Variants in RANBP9 observed in about 807,000 individuals in gnomAD.
The protein encoded by RANBP9 is RAN binding protein 9.
In RANBP9, 15 loss-of-function variants were observed where a neutral mutation model predicts 84.3. That is an observed-to-expected ratio of 0.18 (90% CI 0.12 to 0.27). RANBP9 has a LOEUF of 0.27. Among genes scored for constraint, RANBP9 ranks in the 10% least tolerant of loss-of-function variants. The pLI is 1.00. For missense variants in RANBP9, 809 were observed against 912.8 expected, an observed-to-expected ratio of 0.89 and a Z score of 1.46; for synonymous variants, 392 against 349.6, an observed-to-expected ratio of 1.12 and a Z score of -1.35.
intron 2 of RANBP9, among the ~76,000 whole-genome samples, chr6:13,669,185 C>G (rs1001721803): frequency 6.6e-6 from 1 of 151,834 alleles, no homozygotes; most frequent in African/African-American, 2.4e-5. Flanking sequence ...AGTGTGAAAT[C>G]TGAACACTAA....
intron 5 of RANBP9, among the ~76,000 whole-genome samples, chr6:13,647,440 A>C (rs1443399817): frequency 1.3e-5 from 2 of 152,288 alleles, no homozygotes; most frequent in East Asian, 3.9e-4. Context: ...TAAGTTAATA[A>C]GATAACATAA....
intron 9 of RANBP9, among the ~76,000 whole-genome samples, chr6:13,638,765 A>G (rs1764996945): frequency 6.6e-6 from 1 of 151,950 alleles, no homozygotes; most frequent in African/African-American, 2.4e-5. Flanking sequence ...CCAAAGTCAC[A>G]GAGAGTAAGA....
intron 2 of RANBP9, among the ~76,000 whole-genome samples, chr6:13,678,304 AAC>A (rs1377265609): frequency 6.6e-6 from 1 of 152,272 alleles, no homozygotes; most frequent in East Asian, 1.9e-4. Context: ...AAAGATTATT[AAC>A]ACAGAAATTA....
rs1277820674 is a variant in RANBP9, at chr6:13,651,222, T to C, written c.927+1437A>G. Among the ~76,000 whole-genome samples the C allele has an allele frequency of 2.0e-5, 3 of 152,116 alleles. No individual in the cohort carries two copies. The East Asian group carries it at 5.8e-4, about 29-fold the overall frequency. On this transcript the variant is annotated intron_variant, in intron 5 of 13. Coordinates refer to ENST00000011619, the MANE Select transcript of RANBP9 (RefSeq NM_005493.3). ...TTTTCCCCCTTGGTGTCACAGATGA[T>C]GCAGATTACAACTGACAGTGCCTTG...
intron 2 of RANBP9, among the ~76,000 whole-genome samples, chr6:13,686,118 CCCCCGA>C (rs1766177702): frequency 2.7e-5 from 1 of 37,012 alleles, no homozygotes. Flanking sequence ...CCCCCCCCGC[CCCCCGA>C]AATAGAGTCT....
intron 13 of RANBP9, among the ~76,000 whole-genome samples, chr6:13,625,170 G>C (rs1764566951): frequency 6.6e-6 from 1 of 152,098 alleles, no homozygotes; most frequent in Non-Finnish European, 1.5e-5. Context: ...TAACTCTTGT[G>C]ACAATTATTA....
chr6:13,707,299 G>A (rs908853964), intron 1 of RANBP9, among the ~76,000 whole-genome samples: 1 of 152,102 alleles, frequency 6.6e-6, no homozygotes, highest in Non-Finnish European at 1.5e-5. Flanking sequence ...GATTACAGGC[G>A]TAAGCCACCA....
intron 1 of RANBP9, among the ~76,000 whole-genome samples, 185 bp downstream of exon 1, chr6:13,710,750 C>T (rs1561701119): frequency 6.6e-6 from 1 of 152,244 alleles, no homozygotes; most frequent in South Asian, 2.1e-4. Context: ...AAGAATCTCG[C>T]CCCTCACCCT....
Position 13,694,571 on chromosome 6 carries a change from G to A in RANBP9, c.683+2214C>T, listed in dbSNP as rs372989732. On this transcript the variant is annotated intron_variant, in intron 2 of 13. Coordinates refer to ENST00000011619, the MANE Select transcript of RANBP9 (RefSeq NM_005493.3). ...AGAGCTGTTCTATATAAAGCAGTCCGCATTTATCTGTGGTTTTGCTTTCCT... is the reference window on the plus strand; with the variant it reads ...AGAGCTGTTCTATATAAAGCAGTCCACATTTATCTGTGGTTTTGCTTTCCT... 7.9e-5 allele frequency among the ~76,000 whole-genome samples: 12 copies of A among 152,244 alleles called. No individual in the cohort carries two copies. In the South Asian group the frequency reaches 8.3e-4, roughly 11 times the overall value.
chr6:13,648,140 G>GATT (rs1491513627), intron 5 of RANBP9, among the ~76,000 whole-genome samples: 16 of 122,886 alleles, frequency 1.3e-4, no homozygotes, highest in South Asian at 2.8e-4. Flanking sequence ...TTATATGACT[G>GATT]GTTTTTTTTT....
intron 2 of RANBP9, among the ~76,000 whole-genome samples, chr6:13,660,982 G>A (rs143256851): frequency 6.6e-6 from 1 of 152,204 alleles, no homozygotes; most frequent in African/African-American, 2.4e-5. Context: ...CTGAGTCTAT[G>A]AGCACTCAAT....
At chr6:13,700,486 G>C (rs1427853605) in intron 1 of RANBP9, among the ~76,000 whole-genome samples, 1 of 123,598 alleles carries the variant, frequency 8.1e-6, no homozygotes, top group African/African-American at 3.2e-5. Context: ...TTCTTAGCCT[G>C]AGTAGGTAGG....
At chr6:13,659,376 T>C (rs577817805) in intron 2 of RANBP9, among the ~76,000 whole-genome samples, 72 of 152,268 alleles carry the variant, frequency 4.7e-4, no homozygotes, top group African/African-American at 1.6e-3. Flanking sequence ...GTATGTATTT[T>C]CTATACTAGC....
At chr6:13,701,859 T>C (rs1757980286) in intron 1 of RANBP9, among the ~76,000 whole-genome samples, 1 of 152,154 alleles carries the variant, frequency 6.6e-6, no homozygotes, top group Non-Finnish European at 1.5e-5. Flanking sequence ...AAGTGATCTA[T>C]GTCCACGGCA....
Position 13,711,236 on chromosome 6 carries a change from AGGCGGGGGC to A in RANBP9, c.261_269del (p.Pro90_Pro92del). On this transcript the variant is annotated inframe_deletion, in exon 1 of 14. Transcript: ENST00000011619. ...CGGGGGCAGCCGCTGAGGCAGGGGG[AGGCGGGGGC>A]GGCGGCGGGGGCGGCGGGGCCGCGG... is the stretch of plus-strand genomic sequence containing the variant. 3.1e-6 allele frequency: 1 copy of A among 326,300 alleles called. No homozygotes were observed. Among genetic ancestry groups the A allele is most frequent in the Non-Finnish European group, 3.6e-6 (1 of 278,088 alleles). 20.2% of individuals were successfully genotyped at this position (326,300 alleles called of 1,614,324 possible).
At chr6:13,709,057 A>G (rs1758205808) in intron 1 of RANBP9, among the ~76,000 whole-genome samples, 1 of 152,246 alleles carries the variant, frequency 6.6e-6, no homozygotes, top group South Asian at 2.1e-4. Flanking sequence ...AAAGTAATAA[A>G]GAGGCCAAGA....
intron 2 of RANBP9, among the ~76,000 whole-genome samples, chr6:13,682,558 T>C (rs1256818133): frequency 6.6e-6 from 1 of 152,106 alleles, no homozygotes. Flanking sequence ...GTTCAAGCGA[T>C]TCTCCAGCCT....
At chr6:13,658,177 A>G (rs1480423383) in intron 3 of RANBP9, among the ~76,000 whole-genome samples, 1 of 152,206 alleles carries the variant, frequency 6.6e-6, no homozygotes, top group Non-Finnish European at 1.5e-5. Context: ...TGGGTAGCCA[A>G]TATAACTAGC....
At chr6:13,641,454 T>C in intron 7 of RANBP9, 147 bp from the exon 8 acceptor site, 1 of 566,614 alleles carries the variant, frequency 1.8e-6, no homozygotes, top group Non-Finnish European at 3.0e-6. Flanking sequence ...TAGTTTCCAT[T>C]AGGCAATCCA....
Sources: allele counts gnomAD v4.1 joint callset (sites outside exome capture counted in the v4.1 genomes callset), GRCh38; gene constraint gnomAD v4.1.1; transcripts MANE v1.5; gene names NCBI Gene and HGNC (gene_info 2026-07-23, HGNC 2026-07-21).